Variants in RBFOX3 observed in about 807,000 individuals in gnomAD.
The protein encoded by RBFOX3 is RNA binding fox-1 homolog 3.
In RBFOX3, 17 loss-of-function variants were observed where a neutral mutation model predicts 48.7. The observed-to-expected ratio is 0.35, with a 90% confidence interval of 0.24 to 0.52. The LOEUF (loss-of-function observed/expected upper bound fraction) is 0.52. Ranked by LOEUF, RBFOX3 falls within the 20% of genes least tolerant of loss-of-function variation. RBFOX3 has a pLI of 0.94. For missense variants in RBFOX3, 382 were observed against 497.5 expected, an observed-to-expected ratio of 0.77 and a Z score of 2.21; for synonymous variants, 212 against 209.5, an observed-to-expected ratio of 1.01 and a Z score of -0.10.
chr17:79,638,292 A>G, the RBFOX3 span, among the ~76,000 whole-genome samples: 1 of 142,422 alleles, frequency 7.0e-6, no homozygotes, highest in East Asian at 2.2e-4. Context: ...TAAAATTAAC[A>G]AAACTGAGTT....
chr17:79,179,003 A>G (rs894771811), intron 4 of RBFOX3, among the ~76,000 whole-genome samples: 1 of 152,132 alleles, frequency 6.6e-6, no homozygotes, highest in African/African-American at 2.4e-5. Flanking sequence ...CTAGCCACCC[A>G]TGCTGACCCG....
chr17:79,263,811 C>T (rs995935011), intron 3 of RBFOX3, among the ~76,000 whole-genome samples: 4 of 152,314 alleles, frequency 2.6e-5, no homozygotes, highest in South Asian at 2.1e-4. Flanking sequence ...CAGTCCTAAC[C>T]CCCAGAGCTG....
chr17:79,265,834 G>T (rs769497663), intron 3 of RBFOX3, among the ~76,000 whole-genome samples: 4 of 152,186 alleles, frequency 2.6e-5, no homozygotes, highest in Admixed American at 2.6e-4. Flanking sequence ...TGGGCAGGTC[G>T]TGTCTACCGC....
At chr17:79,331,722 A>G (rs2080333374) in intron 2 of RBFOX3, among the ~76,000 whole-genome samples, 1 of 152,212 alleles carries the variant, frequency 6.6e-6, no homozygotes. Context: ...TTTCTGAACT[A>G]AAAGCGTGCT....
intron 9 of RBFOX3, chr17:79,098,023 C>G: frequency 2.2e-6 from 1 of 449,834 alleles, no homozygotes; most frequent in Admixed American, 3.4e-5. Flanking sequence ...CACCCCTGGG[C>G]GTCATCCCCC....
the RBFOX3 span, among the ~76,000 whole-genome samples, chr17:79,658,628 G>T: frequency 6.6e-6 from 1 of 151,938 alleles, no homozygotes; most frequent in Admixed American, 6.6e-5. Context: ...CGCTTGTGCA[G>T]AGCTAAGATG....
At chr17:79,190,868 T>A (rs2054381500) in intron 4 of RBFOX3, among the ~76,000 whole-genome samples, 1 of 152,148 alleles carries the variant, frequency 6.6e-6, no homozygotes, top group Admixed American at 6.5e-5. Flanking sequence ...AGCTCTTGCA[T>A]ACCGATGGGG....
chr17:79,097,269 C>G, intron 11 of RBFOX3, 23 bp downstream of exon 11: 2 of 1,528,528 alleles, frequency 1.3e-6, no homozygotes, highest in South Asian at 2.4e-5. Flanking sequence ...CTCCTCCACG[C>G]CTCCCCCGGC....
intron 2 of RBFOX3, among the ~76,000 whole-genome samples, chr17:79,356,721 G>A (rs149395062): frequency 4.3e-4 from 65 of 152,116 alleles, no homozygotes; most frequent in African/African-American, 1.5e-3. Flanking sequence ...TTAGTGATAG[G>A]TGTGAATAAC....
intron 4 of RBFOX3, among the ~76,000 whole-genome samples, chr17:79,117,781 G>A (rs1395621697): frequency 6.6e-6 from 1 of 152,222 alleles, no homozygotes; most frequent in African/African-American, 2.4e-5. Context: ...GGCAGGGGCT[G>A]TGTTGACAGC....
intron 1 of RBFOX3, among the ~76,000 whole-genome samples, chr17:79,494,026 C>T (rs1247085205): frequency 6.6e-6 from 1 of 152,116 alleles, no homozygotes; most frequent in African/African-American, 2.4e-5. Context: ...ATCCCAGCTA[C>T]TTAGGAGGCT....
chr17:79,222,587 G>A (rs921161353), intron 4 of RBFOX3, among the ~76,000 whole-genome samples: 1 of 152,202 alleles, frequency 6.6e-6, no homozygotes, highest in Non-Finnish European at 1.5e-5. Context: ...CCTCTCGCAC[G>A]TGTCCAGAAA....
the RBFOX3 span, among the ~76,000 whole-genome samples, chr17:79,652,472 A>G: frequency 6.6e-4 from 96 of 145,880 alleles, no homozygotes; most frequent in African/African-American, 2.1e-3. Context: ...GAGAGAGAGA[A>G]AGAGAGTGTG....
At chr17:79,635,449 C>T in the RBFOX3 span, among the ~76,000 whole-genome samples, 60 of 152,296 alleles carry the variant, frequency 3.9e-4, no homozygotes, top group Non-Finnish European at 7.5e-4. Flanking sequence ...TCCTCCCAGA[C>T]GATTCTCTTG....
In RBFOX3 at chr17:79,214,958, G is replaced by A. The variant is rs78718854; in HGVS notation, c.-34+20808C>T. ...TGCCTTGGCATCTTCGCCTGGTGCC[G>A]GTCAATTATGAAGCCACCCGCTGGT... On this transcript the variant is annotated intron_variant, in intron 4 of 14. Transcript: ENST00000693108. This position sits in a 1 kb window ranked among gnomAD's most constrained non-coding sequence, Gnocchi z 4.7. 2.1e-3 allele frequency among the ~76,000 whole-genome samples: 320 copies of A among 152,136 alleles called. 1 individual carries two copies. The highest frequency in any genetic ancestry group is 7.4e-3 in the African/African-American group (307 of 41,526).
At chr17:79,504,385 C>T (rs1162961779) in intron 1 of RBFOX3, among the ~76,000 whole-genome samples, 3 of 152,204 alleles carry the variant, frequency 2.0e-5, no homozygotes, top group Non-Finnish European at 4.4e-5. Flanking sequence ...GCATTAGTTT[C>T]CTCCTGTTCC....
intron 1 of RBFOX3, chr17:79,599,864 A>G (rs1443761040): frequency 6.6e-6 from 1 of 152,292 alleles, no homozygotes. Context: ...GATGGCGGGC[A>G]GGGGGCAGGG....
chr17:79,557,631 G>A lies in RBFOX3; in HGVS notation c.-320+53195C>T, dbSNP rs901498717. 3.7e-4 allele frequency among the ~76,000 whole-genome samples: 56 copies of A among 152,366 alleles called. No homozygotes were observed. The East Asian group carries it at 6.7e-3, about 18-fold the overall frequency. On this transcript the variant is annotated intron_variant, in intron 1 of 14. Coordinates refer to ENST00000693108, the MANE Select transcript of RBFOX3 (RefSeq NM_001350451.2). ...CAAATTAGCGGCTGTTGGTGAGGCC[G>A]AAGAAACGAGTCTGAAGAAATGTTC... is the stretch of plus-strand genomic sequence containing the variant.
intron 2 of RBFOX3, among the ~76,000 whole-genome samples, chr17:79,320,200 C>T (rs1047089957): frequency 6.6e-6 from 1 of 152,198 alleles, no homozygotes; most frequent in African/African-American, 2.4e-5. Context: ...TTCCTGACCA[C>T]TGCTGGTGTG....
Sources: gnomAD v4.1 joint callset for allele counts (sites outside exome capture counted in the v4.1 genomes callset) on GRCh38, gnomAD v4.1.1 for gene constraint, Gnocchi (gnomAD v3.1) non-coding constraint, MANE v1.5 for transcripts, NCBI Gene and HGNC (gene_info 2026-07-23, HGNC 2026-07-21) for gene names.